PCDH15: variants seen among roughly 807,000 people sequenced by gnomAD.
The protein encoded by PCDH15 is protocadherin related 15, also known as protocadherin-15.
PCDH15 carries 129 observed loss-of-function variants against 178.5 expected under a neutral mutation model. That is an observed-to-expected ratio of 0.72 (90% CI 0.63 to 0.84). The LOEUF (loss-of-function observed/expected upper bound fraction) is 0.84. Ranked by LOEUF, PCDH15 falls within the 40% of genes least tolerant of loss-of-function variation. The pLI is 0.00. For missense variants in PCDH15, 2,230 were observed against 2,099.9 expected, an observed-to-expected ratio of 1.06 and a Z score of -1.21; for synonymous variants, 800 against 732.0, an observed-to-expected ratio of 1.09 and a Z score of -1.50.
intron 2 of PCDH15, among the ~76,000 whole-genome samples, chr10:54,962,556 T>G (rs1564668092): frequency 6.6e-6 from 1 of 152,186 alleles, no homozygotes; most frequent in Non-Finnish European, 1.5e-5. Context: ...TTCAAGATTT[T>G]GGGTACCACA....
intron 6 of PCDH15, among the ~76,000 whole-genome samples, chr10:54,345,557 TTGTC>T (rs1943102372): frequency 6.6e-6 from 1 of 151,942 alleles, no homozygotes; most frequent in Non-Finnish European, 1.5e-5. Context: ...AAATCTTACT[TTGTC>T]TGTTTTTTTG....
At chr10:54,922,444 C>T (rs1837518528) in intron 2 of PCDH15, among the ~76,000 whole-genome samples, 1 of 152,052 alleles carries the variant, frequency 6.6e-6, no homozygotes, top group Non-Finnish European at 1.5e-5. Flanking sequence ...AATCTCAAAG[C>T]TTAAAGTATT....
rs569066797 is a variant in PCDH15, at chr10:55,059,283, G to A, written c.-80+107293C>T. ...GAAGTGACTGATAACTACAAATGTT[G>A]TCATTTATAATATATATATTTTATG... On this transcript the variant is annotated intron_variant, in intron 2 of 5. Coordinates refer to the PCDH15 transcript ENST00000458638. Among the ~76,000 whole-genome samples the A allele has an allele frequency of 4.6e-5, 7 of 152,180 alleles. No individual in the cohort carries two copies. The East Asian group carries it at 1.4e-3, about 29-fold the overall frequency.
At chr10:54,244,769 C>T (rs1255033085) in intron 8 of PCDH15, among the ~76,000 whole-genome samples, 2 of 152,170 alleles carry the variant, frequency 1.3e-5, no homozygotes, top group East Asian at 1.9e-4. Flanking sequence ...TCATTCCCAT[C>T]GTGCACATCA....
chr10:55,623,326 T>A (rs546576455), intron 2 of PCDH15, among the ~76,000 whole-genome samples: 2 of 152,234 alleles, frequency 1.3e-5, no homozygotes, highest in South Asian at 2.1e-4. Flanking sequence ...TTTTTTGTTG[T>A]TGTTTTGTTT....
intron 2 of PCDH15, among the ~76,000 whole-genome samples, chr10:54,593,954 T>C (rs2092047252): frequency 6.6e-6 from 1 of 151,446 alleles, no homozygotes; most frequent in South Asian, 2.1e-4. Flanking sequence ...GGTGTACCCC[T>C]AGTAAATCTT....
At chr10:54,198,492 A>ATTT (rs1423646160) in intron 10 of PCDH15, among the ~76,000 whole-genome samples, 3 of 40,856 alleles carry the variant, frequency 7.3e-5, no homozygotes, top group African/African-American at 3.9e-4. Flanking sequence ...ATATCTAATT[A>ATTT]TTCTTTTTTT....
chr10:54,549,354 G>C (rs1273293796), intron 2 of PCDH15, among the ~76,000 whole-genome samples: 6 of 151,678 alleles, frequency 4.0e-5, no homozygotes, highest in Non-Finnish European at 8.8e-5. Context: ...CAAAAATGTT[G>C]AAAATTTATA....
chr10:54,220,824 C>CT, intron 9 of PCDH15, among the ~76,000 whole-genome samples: 1 of 111,176 alleles, frequency 9.0e-6, no homozygotes, highest in South Asian at 3.2e-4. Flanking sequence ...GACTCCGTCT[C>CT]AAAATAAATA....
At chr10:55,257,935 G>A (rs1842044406) in intron 1 of PCDH15, among the ~76,000 whole-genome samples, 2 of 152,158 alleles carry the variant, frequency 1.3e-5, no homozygotes, top group Non-Finnish European at 2.9e-5. Context: ...ATTCACCAAA[G>A]TTGAAATGAA....
chr10:54,067,572 A>T (rs1265997185), intron 17 of PCDH15, among the ~76,000 whole-genome samples: 1 of 152,152 alleles, frequency 6.6e-6, no homozygotes, highest in Non-Finnish European at 1.5e-5. Context: ...ATCAATGACT[A>T]TCTTCATAAG....
At chr10:55,054,102 G>A (rs1841232289) in intron 2 of PCDH15, among the ~76,000 whole-genome samples, 2 of 152,126 alleles carry the variant, frequency 1.3e-5, no homozygotes, top group African/African-American at 4.8e-5. Flanking sequence ...GTACTCACTA[G>A]TTATTTTCCC....
intron 15 of PCDH15, among the ~76,000 whole-genome samples, chr10:54,092,105 A>G (rs1024727433): frequency 4.6e-5 from 7 of 152,146 alleles, no homozygotes; most frequent in Non-Finnish European, 7.4e-5. Context: ...TATTGTTTTC[A>G]CTGCTTCATC....
chr10:55,489,102 C>T (rs1840360697), intron 2 of PCDH15, among the ~76,000 whole-genome samples: 1 of 151,382 alleles, frequency 6.6e-6, no homozygotes, highest in Non-Finnish European at 1.5e-5. Context: ...ATTTAAGAGA[C>T]ATATACAACT....
At chr10:54,195,571 T>C in intron 11 of PCDH15, 112 bp downstream of exon 11, 1 of 907,602 alleles carries the variant, frequency 1.1e-6, no homozygotes, top group East Asian at 2.6e-5. Context: ...TCACTTACAG[T>C]GACTTAATTC....
At chr10:54,448,477 G>GT (rs2076275572) in intron 3 of PCDH15, among the ~76,000 whole-genome samples, 1 of 151,558 alleles carries the variant, frequency 6.6e-6, no homozygotes, top group African/African-American at 2.4e-5. Flanking sequence ...TTGGGAGGGG[G>GT]TATGTTTTAG....
chr10:55,467,426 C>A (rs967561350), intron 2 of PCDH15, among the ~76,000 whole-genome samples: 2 of 97,882 alleles, frequency 2.0e-5, no homozygotes, highest in African/African-American at 8.0e-5. Flanking sequence ...GAGATTTATT[C>A]TTTTAATGAT....
At chr10:54,075,609 T>A (rs2094327823) in intron 17 of PCDH15, among the ~76,000 whole-genome samples, 1 of 152,138 alleles carries the variant, frequency 6.6e-6, no homozygotes, top group Non-Finnish European at 1.5e-5. Flanking sequence ...TGCCCTATGT[T>A]TTCTTCTAAG....
intron 3 of PCDH15, among the ~76,000 whole-genome samples, chr10:54,459,991 C>A (rs554889554): frequency 3.3e-5 from 5 of 152,134 alleles, no homozygotes; most frequent in Admixed American, 6.6e-5. Context: ...ATATTATAAG[C>A]CTGCATTGAA....
Sources: gnomAD v4.1 joint callset for allele counts (sites outside exome capture counted in the v4.1 genomes callset) on GRCh38, gnomAD v4.1.1 for gene constraint, MANE v1.5 for transcripts, NCBI Gene and HGNC (gene_info 2026-07-23, HGNC 2026-07-21) for gene names.